The following ZNF732 variants were observed in gnomAD, a reference collection of about 807,000 sequenced individuals.
The protein encoded by ZNF732 is zinc finger protein LOC654254.
ZNF732 carries 12 observed loss-of-function variants against 11.5 expected under a neutral mutation model. The observed-to-expected ratio is 1.05, with a 90% confidence interval of 0.67 to 1.70. The LOEUF is 1.70. Ranked by LOEUF, ZNF732 falls within the 40% of genes most tolerant of loss-of-function variation. ZNF732 has a pLI of 0.00. For missense variants in ZNF732, 702 were observed against 676.9 expected (o/e 1.04, Z -0.41); for synonymous variants, 231 against 236.5 (o/e 0.98, Z 0.21).
intron 3 of ZNF732, among the ~76,000 whole-genome samples, chr4:283,475 TA>T (rs1177323502): frequency 2.0e-5 from 3 of 151,268 alleles, no homozygotes; most frequent in African/African-American, 7.3e-5. Flanking sequence ...TGGCTATATT[TA>T]CATCAGACAA....
In ZNF732 at chr4:272,299, T is replaced by C; in HGVS notation, c.558A>G (p.Gln186=). The part of the protein sequence containing the change: ...FQKFSDLTQH[Q]GIHAGEKPYT... ...AGGGTTTCTCTCCAGCATGAATTCC[T>C]TGATGTTGAGTTAGGTCTGAGAACT... Residue 186 remains glutamine (Q), a synonymous_variant, in exon 4 of 4, where the codon CAA becomes CAG. Transcript: ENST00000419098. 1 of 1,613,118 alleles carries C rather than the reference T, an allele frequency of 6.2e-7. No individual in the cohort carries two copies. Among genetic ancestry groups the C allele is most frequent in the Admixed American group, 1.7e-5 (1 of 59,884 alleles).
At position 305,343 on chromosome 4, in the gene ZNF732, C is replaced by A; in HGVS notation, c.-33G>T. 6.2e-7 allele frequency: 1 copy of A among 1,607,396 alleles called. No individual in the cohort carries two copies. The highest frequency in any genetic ancestry group is 8.5e-7 in the Non-Finnish European group (1 of 1,179,784). On this transcript the variant is annotated 5_prime_UTR_variant, in exon 1 of 4. Transcript: ENST00000419098. ...CTTCAGGGGTGTAGCGGAGTCTCAG[C>A]TACGAATCATCCAATACCCGCAGGT... is the stretch of plus-strand genomic sequence containing the variant.
rs143596034 is a variant in ZNF732 at position 282,157 on chromosome 4, A to T, written c.227-9527T>A. 7.7e-4 allele frequency among the ~76,000 whole-genome samples: 118 copies of T among 152,300 alleles called. 1 individual carries two copies. The highest frequency in any genetic ancestry group is 2.5e-3 in the African/African-American group (105 of 41,578). The stretch of plus-strand genomic sequence containing the variant: ...GAAAGTTCGTAAATAGACTTTTTTT[A>T]AAAAAGTGAATAAAGCATATAGCTT... On this transcript the variant is annotated intron_variant, in intron 3 of 3. Coordinates refer to ENST00000419098, the MANE Select transcript of ZNF732 (RefSeq NM_001137608.3).
chr4:280,192 A>G (rs1719589376), intron 3 of ZNF732, among the ~76,000 whole-genome samples: 1 of 151,840 alleles, frequency 6.6e-6, no homozygotes, highest in Non-Finnish European at 1.5e-5. Context: ...ATGTAGATGT[A>G]TCATAAAAAC....
intron 1 of ZNF732, among the ~76,000 whole-genome samples, chr4:299,509 A>G (rs1161266387): frequency 7.9e-6 from 1 of 127,336 alleles, no homozygotes; most frequent in Non-Finnish European, 1.6e-5. Context: ...ATATACACAC[A>G]TATACGTATA....
chr4:275,727 A>T (rs181967486), intron 3 of ZNF732, among the ~76,000 whole-genome samples: 5 of 151,948 alleles, frequency 3.3e-5, no homozygotes, highest in African/African-American at 1.2e-4. Context: ...AAATAATGAA[A>T]TATTACTCAG....
intron 3 of ZNF732, among the ~76,000 whole-genome samples, chr4:285,150 G>A (rs1272108379): frequency 6.6e-6 from 1 of 152,112 alleles, no homozygotes; most frequent in African/African-American, 2.4e-5. Flanking sequence ...GTGACCTGAG[G>A]CATACTATGT....
intron 3 of ZNF732, among the ~76,000 whole-genome samples, chr4:284,264 A>T (rs1719679117): frequency 6.6e-6 from 1 of 152,188 alleles, no homozygotes; most frequent in South Asian, 2.1e-4. Context: ...AATCAATAGC[A>T]GAGTGAACAT....
At chr4:296,757 T>C (rs950945564) in intron 1 of ZNF732, among the ~76,000 whole-genome samples, 2 of 152,210 alleles carry the variant, frequency 1.3e-5, no homozygotes, top group Non-Finnish European at 2.9e-5. Context: ...CTGTTAATGC[T>C]GATGTTCCTC....
At chr4:272,667 A>G (rs1719415206) in intron 3 of ZNF732, 37 bp from the exon 4 acceptor site, 1 of 1,440,402 alleles carries the variant, frequency 6.9e-7, no homozygotes, top group Middle Eastern at 1.9e-4. Flanking sequence ...TGCTTACTAG[A>G]TTCATACGAA....
At position 272,607 on chromosome 4, in the gene ZNF732, C is replaced by T. The variant is rs1553838049; in HGVS notation, c.250G>A (p.Asp84Asn). Reference sequence around the variant, plus strand: ...TCTATCCCCTGCACTGGCAAAAAGTCTTGGGTGAAATGAGAACACACAGCT... The same window carrying T: ...TCTATCCCCTGCACTGGCAAAAAGTTTTGGGTGAAATGAGAACACACAGCT... Reference protein sequence around the residue: ...HPAVCSHFTQDFLPVQGIEDS... With the variant: ...HPAVCSHFTQNFLPVQGIEDS... The change falls in exon 4 of 4, where the codon GAC becomes AAC. Residue 84 changes from aspartate to asparagine, a missense_variant. Transcript: ENST00000419098. 6.5e-7 allele frequency: 1 copy of T among 1,533,164 alleles called. No homozygotes were observed. The highest frequency in any genetic ancestry group is 8.7e-7 in the Non-Finnish European group (1 of 1,144,794). The allele number at this position is 1,533,164 out of a possible 1,614,324, so 95.0% of individuals were successfully genotyped here.
intron 1 of ZNF732, among the ~76,000 whole-genome samples, chr4:299,448 TATACACATATGTGTATATATATATAC>T (rs1720050002): frequency 1.2e-5 from 1 of 83,828 alleles, no homozygotes. Flanking sequence ...TATATATATA[TATACACATATGTGTATATATATATAC>T]ACATATATAC....
intron 3 of ZNF732, among the ~76,000 whole-genome samples, chr4:279,428 A>G (rs111551744): frequency 0.062 from 9,193 of 148,244 alleles, 475 homozygotes; most frequent in African/African-American, 0.14. Context: ...CGTGGGTGAC[A>G]GAGCGAGACT....
intron 1 of ZNF732, among the ~76,000 whole-genome samples, chr4:299,613 A>G (rs1720069153): frequency 7.0e-6 from 1 of 142,570 alleles, no homozygotes; most frequent in Non-Finnish European, 1.5e-5. Context: ...AATTATTTAT[A>G]TATAAATAAT....
At chr4:287,609 GATGAAAACACAAATGAT>G (rs576700829) in intron 3 of ZNF732, among the ~76,000 whole-genome samples, 112 of 151,894 alleles carry the variant, frequency 7.4e-4, no homozygotes, top group Non-Finnish European at 1.3e-3. Context: ...ATGTAATCCT[GATGAAAACACAAATGAT>G]ACTGTTTGAA....
At chr4:304,913 T>G (rs1720198130) in intron 1 of ZNF732, among the ~76,000 whole-genome samples, 1 of 152,172 alleles carries the variant, frequency 6.6e-6, no homozygotes, top group South Asian at 2.1e-4. Context: ...CATTAATTAG[T>G]CCCCATTTGC....
chr4:299,495 G>GTA (rs1167820871), intron 1 of ZNF732, among the ~76,000 whole-genome samples: 8 of 49,666 alleles, frequency 1.6e-4, no homozygotes, highest in East Asian at 1.5e-3. Flanking sequence ...ACATATGTGT[G>GTA]TATATATACA....
Position 305,467 on chromosome 4 carries a change from C to T in ZNF732, c.-157G>A. On this transcript the variant is annotated 5_prime_UTR_variant, in exon 1 of 4. Transcript: ENST00000419098. ...GACCCTAACCGAGCTCACGCTGGCGCAAAAGGCAAAAGCCGCGCCAGATCC... is the reference window on the plus strand; with the variant it reads ...GACCCTAACCGAGCTCACGCTGGCGTAAAAGGCAAAAGCCGCGCCAGATCC... The T allele has an allele frequency of 9.6e-7, 1 of 1,038,898 alleles. No homozygotes were observed. Among genetic ancestry groups the T allele is most frequent in the Non-Finnish European group, 1.4e-6 (1 of 727,468 alleles). The allele number at this position is 1,038,898 out of a possible 1,614,324, so 64.4% of individuals were successfully genotyped here. A position where few individuals can be genotyped will look rare whatever the true frequency, so the allele number is the denominator to read the frequency against.
chr4:283,116 T>A (rs1384458934), intron 3 of ZNF732, among the ~76,000 whole-genome samples: 1 of 152,150 alleles, frequency 6.6e-6, no homozygotes, highest in African/African-American at 2.4e-5. Context: ...TCAGTATCAT[T>A]ATTCCACGAG....
Sources: gnomAD v4.1 joint callset for allele counts (sites outside exome capture counted in the v4.1 genomes callset) on GRCh38, gnomAD v4.1.1 for gene constraint, MANE v1.5 for transcripts, NCBI Gene and HGNC (gene_info 2026-07-23, HGNC 2026-07-21) for gene names.